Variants in CR1L observed in about 807,000 individuals in gnomAD.
CR1L encodes the protein complement C3b/C4b receptor 1 like, also known as complement component receptor 1-like protein.
Under a neutral mutation model 62.3 loss-of-function variants are expected in CR1L, and 59 were observed. That is an observed-to-expected ratio of 0.95 (90% confidence interval 0.77 to 1.18). The LOEUF is 1.18. CR1L is among the 50% of genes most tolerant of loss of function. CR1L has a pLI of 0.00. For missense variants in CR1L, 700 were observed against 702.8 expected (o/e 1.00, Z 0.04); for synonymous variants, 279 against 248.7 (o/e 1.12, Z -1.15).
chr1:207,659,983 C>T (rs113630340), intron 1 of CR1L, among the ~76,000 whole-genome samples: 4,283 of 152,206 alleles, frequency 0.028, 67 homozygotes, highest in Middle Eastern at 0.068. Flanking sequence ...CTTGACTGGG[C>T]GGTTCTATGC....
chr1:207,707,139 T>C (rs909648876), intron 9 of CR1L, among the ~76,000 whole-genome samples: 13 of 152,326 alleles, frequency 8.5e-5, no homozygotes, highest in African/African-American at 3.1e-4. Context: ...ATTTCCAAAT[T>C]ATTAGAATAA....
chr1:207,668,797 A>G (rs1663563271), intron 1 of CR1L, among the ~76,000 whole-genome samples: 1 of 150,946 alleles, frequency 6.6e-6, no homozygotes, highest in Admixed American at 6.6e-5. Flanking sequence ...GCCACCATCA[A>G]ACCTCACTTG....
At chr1:207,689,686 A>G (rs918088813) in intron 4 of CR1L, among the ~76,000 whole-genome samples, 1 of 152,030 alleles carries the variant, frequency 6.6e-6, no homozygotes, top group African/African-American at 2.4e-5. Flanking sequence ...TAACATTAAT[A>G]TTATTTTTCC....
rs193065053 is a variant in CR1L at position 207,685,454 on chromosome 1, C to A, written c.463+1497C>A. Among the ~76,000 whole-genome samples, 15 of 152,326 alleles carry A rather than the reference C, an allele frequency of 9.8e-5. No individual in the cohort carries two copies. The East Asian group carries it at 2.9e-3, about 29-fold the overall frequency. On this transcript the variant is annotated intron_variant, in intron 4 of 11. Transcript: ENST00000508064. ...TATGCTTATACAAATCAAATAACAC[C>A]TTAGTCGGCTATCCCTCTACTTCGG...
chr1:207,706,139 T>C (rs936363415), intron 9 of CR1L, among the ~76,000 whole-genome samples: 2 of 151,298 alleles, frequency 1.3e-5, no homozygotes, highest in Non-Finnish European at 2.9e-5. Flanking sequence ...AAGGAGAAGA[T>C]AGGTGGGCAC....
intron 4 of CR1L, among the ~76,000 whole-genome samples, chr1:207,686,114 CCCTCCCTCCCTT>C (rs1558018760): frequency 7.8e-5 from 1 of 12,774 alleles, no homozygotes; most frequent in African/African-American, 2.9e-4. Context: ...CTTCCTCCCT[CCCTCCCTCCCTT>C]CCTCCCTCCC....
chr1:207,667,110 T>C (rs1243221694), intron 1 of CR1L, among the ~76,000 whole-genome samples: 2 of 152,234 alleles, frequency 1.3e-5, no homozygotes, highest in Non-Finnish European at 2.9e-5. Flanking sequence ...ATCTGTCCCA[T>C]GCCCACATCT....
At chr1:207,715,934 A>G (rs975741720) in intron 10 of CR1L, among the ~76,000 whole-genome samples, 20 of 152,072 alleles carry the variant, frequency 1.3e-4, no homozygotes, top group Admixed American at 2.6e-4. Flanking sequence ...GGCTCAAGCT[A>G]TCCTCCCATC....
At chr1:207,676,140 T>C (rs1322533001) in intron 1 of CR1L, among the ~76,000 whole-genome samples, 1 of 152,192 alleles carries the variant, frequency 6.6e-6, no homozygotes, top group African/African-American at 2.4e-5. Context: ...CACTTACTGA[T>C]TAACTAAAAT....
At chr1:207,721,104 G>A (rs964692371) in intron 11 of CR1L, among the ~76,000 whole-genome samples, 1 of 152,218 alleles carries the variant, frequency 6.6e-6, no homozygotes, top group African/African-American at 2.4e-5. Context: ...TTTAGAGAAA[G>A]GGTGTAAATA....
intron 4 of CR1L, among the ~76,000 whole-genome samples, chr1:207,684,927 T>TA (rs1457058447): frequency 1.3e-5 from 2 of 152,246 alleles, no homozygotes; most frequent in Non-Finnish European, 1.5e-5. Context: ...CTAGAAAGTT[T>TA]ACGAGCTTCA....
chr1:207,676,050 A>G (rs1291632567), intron 1 of CR1L, among the ~76,000 whole-genome samples: 1 of 152,162 alleles, frequency 6.6e-6, no homozygotes, highest in Non-Finnish European at 1.5e-5. Flanking sequence ...GGTGGATGGT[A>G]AAATGCATGA....
At chr1:207,712,782 T>C (rs1421909926) in intron 10 of CR1L, among the ~76,000 whole-genome samples, 1 of 152,240 alleles carries the variant, frequency 6.6e-6, no homozygotes, top group Non-Finnish European at 1.5e-5. Flanking sequence ...TGTGATGACT[T>C]CCTGGGCCAA....
intron 9 of CR1L, among the ~76,000 whole-genome samples, chr1:207,705,157 A>T (rs1307820317): frequency 6.6e-6 from 1 of 152,066 alleles, no homozygotes; most frequent in Admixed American, 6.5e-5. Context: ...GTGTCCTCAT[A>T]TGCTGTTCTC....
intron 4 of CR1L, among the ~76,000 whole-genome samples, chr1:207,687,850 G>A (rs1386337680): frequency 1.3e-5 from 2 of 152,128 alleles, no homozygotes; most frequent in African/African-American, 4.8e-5. Flanking sequence ...CACAAATGTT[G>A]TCTTTCAGGC....
At chr1:207,687,070 A>G (rs1443422961) in intron 4 of CR1L, among the ~76,000 whole-genome samples, 1 of 152,232 alleles carries the variant, frequency 6.6e-6, no homozygotes, top group East Asian at 1.9e-4. Flanking sequence ...AGCACCGCCA[A>G]TTAATTCCGG....
intron 1 of CR1L, among the ~76,000 whole-genome samples, chr1:207,665,465 C>T (rs180781358): frequency 7.2e-5 from 11 of 151,918 alleles, no homozygotes; most frequent in South Asian, 6.2e-4. Flanking sequence ...GACATGATCT[C>T]GGCTCACTGC....
Position 207,723,694 on chromosome 1 carries a change from A to G in CR1L, c.*9A>G, listed in dbSNP as rs1173428623. On this transcript the variant is annotated 3_prime_UTR_variant, in exon 12 of 12. Transcript: ENST00000508064. The stretch of plus-strand genomic sequence containing the variant: ...AATTCTGTCATCTTTAACAGTAAGT[A>G]CCTACTTATAATGAATGCAATGTAG... The G allele has an allele frequency of 5.9e-6, 9 of 1,536,774 alleles. No homozygotes were observed. The highest frequency in any genetic ancestry group is 8.0e-6 in the Non-Finnish European group (9 of 1,121,754).
intron 1 of CR1L, among the ~76,000 whole-genome samples, chr1:207,648,078 G>A (rs1017777408): frequency 6.6e-6 from 1 of 151,690 alleles, no homozygotes; most frequent in Admixed American, 6.6e-5. Flanking sequence ...GGGCGTGAAG[G>A]GGGAGGATCA....
Sources: allele counts gnomAD v4.1 joint callset (sites outside exome capture counted in the v4.1 genomes callset), GRCh38; gene constraint gnomAD v4.1.1; transcripts MANE v1.5; gene names NCBI Gene and HGNC (gene_info 2026-07-23, HGNC 2026-07-21).